Variants in COL6A5 observed in about 807,000 individuals in gnomAD.
COL6A5 encodes the protein collagen alpha-5(VI) chain.
A neutral mutation model predicts 65.6 loss-of-function variants in COL6A5; 48 were observed. That is an observed-to-expected ratio of 0.73 (90% CI 0.58 to 0.93). The LOEUF (loss-of-function observed/expected upper bound fraction) is 0.93, where lower values mean the gene tolerates loss of function less well. Ranked by LOEUF, COL6A5 falls within the 40% of genes least tolerant of loss-of-function variation. The pLI is 0.00. For missense variants in COL6A5, 914 were observed against 928.3 expected (o/e 0.98, Z 0.20); for synonymous variants, 291 against 322.8 (o/e 0.90, Z 1.05).
chr3:130,348,960 G>C (rs1934602976), intron 1 of COL6A5, among the ~76,000 whole-genome samples: 1 of 152,122 alleles, frequency 6.6e-6, no homozygotes, highest in Non-Finnish European at 1.5e-5. Flanking sequence ...TTTTGATGGG[G>C]TTGTTTGTTT....
chr3:130,375,429 C>T (rs77224116), intron 2 of COL6A5, among the ~76,000 whole-genome samples: 2,939 of 152,192 alleles, frequency 0.019, 95 homozygotes, highest in African/African-American at 0.067. Flanking sequence ...TACCGGATGA[C>T]ATGCCCTTCT....
At chr3:130,408,593 A>G (rs549273964) in intron 17 of COL6A5, among the ~76,000 whole-genome samples, 40 of 152,190 alleles carry the variant, frequency 2.6e-4, no homozygotes, top group Non-Finnish European at 5.3e-4. Context: ...TTTGAAGCAT[A>G]TGATCTCTGT....
chr3:130,424,484 C>A (rs1467795174), intron 29 of COL6A5, among the ~76,000 whole-genome samples: 1 of 152,098 alleles, frequency 6.6e-6, no homozygotes, highest in Non-Finnish European at 1.5e-5. Context: ...ACATGTCTGT[C>A]TCTCCTAACA....
exon 5 of COL6A5, chr3:130,384,881 CA>C (rs1936127464): frequency 6.4e-7 from 1 of 1,550,794 alleles, no homozygotes; most frequent in Non-Finnish European, 8.7e-7. Flanking sequence ...ACAGTTTGAG[CA>C]AATCAAGAGA....
intron 30 of COL6A5, 54 bp from the exon 31 acceptor site, chr3:130,426,313 T>C: frequency 6.5e-7 from 1 of 1,550,250 alleles, no homozygotes; most frequent in South Asian, 1.2e-5. Flanking sequence ...ACACAGTTAC[T>C]CAAAAGTCAC....
chr3:130,398,077 G>A (rs1342942872), exon 10 of COL6A5: 2 of 1,549,440 alleles, frequency 1.3e-6, no homozygotes, highest in South Asian at 1.2e-5. Context: ...GCAACATAAT[G>A]CTTGAAAATC....
intron 24 of COL6A5, among the ~76,000 whole-genome samples, chr3:130,418,627 G>A (rs1542829): frequency 0.082 from 12,511 of 152,042 alleles, 614 homozygotes; most frequent in East Asian, 0.17. Flanking sequence ...TCTACTTTTT[G>A]TCTTCTCCTT....
exon 3 of COL6A5, chr3:130,376,623 G>C: frequency 6.2e-7 from 1 of 1,611,290 alleles, no homozygotes. Flanking sequence ...TGAAGTGGAA[G>C]AGGCTTCGAA....
intron 4 of COL6A5, among the ~76,000 whole-genome samples, chr3:130,446,792 GT>G (rs58056166): frequency 0.87 from 132,252 of 152,082 alleles, 58,081 homozygotes; most frequent in Non-Finnish European, 0.94. Flanking sequence ...ATTGTTCCAG[GT>G]TCCCAGGTAT....
At chr3:130,387,928 A>G (rs1577455664) in intron 5 of COL6A5, among the ~76,000 whole-genome samples, 2 of 151,556 alleles carry the variant, frequency 1.3e-5, no homozygotes, top group South Asian at 2.1e-4. Context: ...ATATGTGTGT[A>G]TATATATGTA....
chr3:130,426,876 C>T (rs2107689949), upstream of COL6A5, among the ~76,000 whole-genome samples: 1 of 151,772 alleles, frequency 6.6e-6, no homozygotes, highest in East Asian at 1.9e-4. Flanking sequence ...CAGGAGTCAA[C>T]ATAAAGAGGT....
chr3:130,365,467 C>G (rs905518761), intron 1 of COL6A5, among the ~76,000 whole-genome samples: 2 of 152,080 alleles, frequency 1.3e-5, no homozygotes, highest in Non-Finnish European at 2.9e-5. Context: ...TTAGTAGAGA[C>G]GGGGTTTCAC....
exon 9 of COL6A5, chr3:130,397,832 A>G: frequency 6.4e-7 from 1 of 1,551,680 alleles, no homozygotes; most frequent in Non-Finnish European, 8.7e-7. Flanking sequence ...AGCTTGCTGC[A>G]AGTCAACGTC....
chr3:130,468,421 A>G (rs1221566819), intron 5 of COL6A5, among the ~76,000 whole-genome samples: 2 of 152,106 alleles, frequency 1.3e-5, no homozygotes, highest in Non-Finnish European at 2.9e-5. Flanking sequence ...GTTATTACAT[A>G]TAATTAAATT....
Position 130,475,605 on chromosome 3 carries a change from C to A in COL6A5, c.2328+4638C>A, listed in dbSNP as rs1180561069. 3.9e-5 allele frequency among the ~76,000 whole-genome samples: 6 copies of A among 152,078 alleles called. No homozygotes were observed. The East Asian group carries it at 1.2e-3, about 29-fold the overall frequency. ...TTAAGAGAACTTCTCACCAGCAGAC[C>A]TGTCCTAAAGGAGAAATATGTGACA... is the stretch of plus-strand genomic sequence containing the variant. On this transcript the variant is annotated intron_variant, in intron 7 of 7. Transcript: ENST00000512836.
At chr3:130,363,652 C>T (rs1026329851) in intron 1 of COL6A5, among the ~76,000 whole-genome samples, 3 of 152,220 alleles carry the variant, frequency 2.0e-5, no homozygotes, top group Non-Finnish European at 2.9e-5. Flanking sequence ...CCATTCCCCT[C>T]ACCCTGCTGA....
At chr3:130,398,276 G>A (rs1391441649) in intron 10 of COL6A5, among the ~76,000 whole-genome samples, 165 bp downstream of exon 10, 6 of 151,772 alleles carry the variant, frequency 4.0e-5, no homozygotes, top group East Asian at 2.0e-4. Flanking sequence ...GACTACAGGC[G>A]CCCACCACCA....
At chr3:130,364,844 G>T (rs774254736) in intron 1 of COL6A5, among the ~76,000 whole-genome samples, 4 of 152,222 alleles carry the variant, frequency 2.6e-5, no homozygotes, top group Admixed American at 6.5e-5. Context: ...TTCAAAGGTT[G>T]TCAATTGAAT....
intron 1 of COL6A5, among the ~76,000 whole-genome samples, chr3:130,347,494 A>G (rs1237729149): frequency 1.3e-5 from 2 of 152,196 alleles, no homozygotes; most frequent in African/African-American, 4.8e-5. Context: ...TAGCAATGTT[A>G]TGAGCCTGTG....
Sources: gnomAD v4.1 joint callset for allele counts (sites outside exome capture counted in the v4.1 genomes callset) on GRCh38, gnomAD v4.1.1 for gene constraint, MANE v1.5 for transcripts, NCBI Gene and HGNC (gene_info 2026-07-23, HGNC 2026-07-21) for gene names.